The following NEDD4L variants were observed in gnomAD, a reference collection of about 807,000 sequenced individuals.
NEDD4L encodes NEDD4 like E3 ubiquitin protein ligase.
Under a neutral mutation model 148.9 loss-of-function variants are expected in NEDD4L, and 54 were observed. The observed-to-expected ratio is 0.36, with a 90% confidence interval of 0.29 to 0.45. NEDD4L has a LOEUF of 0.45. Ranked by LOEUF, NEDD4L falls within the 20% of genes least tolerant of loss-of-function variation. NEDD4L has a pLI of 1.00. For synonymous variants in NEDD4L, 433 were observed against 440.7 expected (o/e 0.98, Z 0.22); for missense variants, 856 against 1,233.8 (o/e 0.69, Z 4.59).
chr18:58,047,486 C>T, intron 1 of NEDD4L: 3 of 985,416 alleles, frequency 3.0e-6, no homozygotes, highest in Non-Finnish European at 3.6e-6. Context: ...GCGTCATCAG[C>T]AGAGGTCTGT....
chr18:58,099,979 A>G (rs915199554), intron 1 of NEDD4L, among the ~76,000 whole-genome samples: 2 of 152,318 alleles, frequency 1.3e-5, no homozygotes, highest in Admixed American at 6.5e-5. Flanking sequence ...CCCCAAAATG[A>G]AAGTGATCAT....
chr18:58,288,995 G>C (rs13381620), intron 5 of NEDD4L, among the ~76,000 whole-genome samples: 1 of 152,078 alleles, frequency 6.6e-6, no homozygotes, highest in East Asian at 1.9e-4. Context: ...ATCATGTTCA[G>C]TGTTCGACAT....
intron 2 of NEDD4L, among the ~76,000 whole-genome samples, chr18:58,227,359 A>G (rs1408790312): frequency 6.6e-6 from 1 of 152,174 alleles, no homozygotes; most frequent in African/African-American, 2.4e-5. Flanking sequence ...GTCTCCAGGC[A>G]GTCTTCCTGG....
chr18:58,052,933 T>G (rs1598943325), intron 1 of NEDD4L, among the ~76,000 whole-genome samples: 4 of 152,156 alleles, frequency 2.6e-5, no homozygotes, highest in South Asian at 2.1e-4. Flanking sequence ...AACTCTGCAC[T>G]CCACCCTGGG....
At chr18:58,383,383 C>G in intron 25 of NEDD4L, 64 bp downstream of exon 25, 2 of 921,832 alleles carry the variant, frequency 2.2e-6, no homozygotes, top group Non-Finnish European at 3.4e-6. Context: ...GGTCACTGTC[C>G]CTTGCTGAAA....
chr18:58,274,694 G>C (rs758628481), intron 5 of NEDD4L, among the ~76,000 whole-genome samples: 9 of 152,234 alleles, frequency 5.9e-5, no homozygotes, highest in South Asian at 2.1e-4. Flanking sequence ...TTTTGAATCT[G>C]ATTTAATAGG....
intron 16 of NEDD4L, among the ~76,000 whole-genome samples, chr18:58,347,203 C>T (rs1379881644): frequency 3.4e-5 from 1 of 29,646 alleles, no homozygotes; most frequent in African/African-American, 1.2e-4. Context: ...TTTCACGCTA[C>T]GGCCCCCCCC....
intron 1 of NEDD4L, among the ~76,000 whole-genome samples, chr18:58,101,654 C>G (rs780950957): frequency 6.6e-6 from 1 of 152,144 alleles, no homozygotes; most frequent in Admixed American, 6.5e-5. Context: ...TACAGAATGA[C>G]ATCATGAAAT....
intron 1 of NEDD4L, among the ~76,000 whole-genome samples, chr18:58,132,099 A>G (rs893753751): frequency 6.6e-6 from 1 of 152,178 alleles, no homozygotes; most frequent in Admixed American, 6.5e-5. Context: ...TGCCAGCGTT[A>G]ACCCCAGGGG....
chr18:58,251,984 A>C lies in NEDD4L; in HGVS notation c.244-17A>C. Reference sequence around the variant, plus strand: ...GATTCCTGCTCGTTTAAAAAATACTATTTATGTTCCTTATAGGTAAACCCA... The same window carrying C: ...GATTCCTGCTCGTTTAAAAAATACTCTTTATGTTCCTTATAGGTAAACCCA... On this transcript the variant is annotated splice_polypyrimidine_tract_variant and intron_variant, in intron 4 of 30. Transcript: ENST00000400345. 7.0e-7 allele frequency: 1 copy of C among 1,432,912 alleles called. No individual in the cohort carries two copies. The highest frequency in any genetic ancestry group is 1.1e-5 in the South Asian group (1 of 87,064). The allele number at this position is 1,432,912 out of a possible 1,614,324, so 88.8% of individuals were successfully genotyped here. A position where few individuals can be genotyped will look rare whatever the true frequency, so the allele number is the denominator to read the frequency against.
Position 58,398,445 on chromosome 18 carries a change from A to G in NEDD4L, c.*2176A>G, listed in dbSNP as rs1166970760. The G allele has an allele frequency of 2.0e-5, 3 of 152,146 alleles. No individual in the cohort carries two copies. Among genetic ancestry groups the G allele is most frequent in the African/African-American group, 4.8e-5 (2 of 41,432 alleles). 9.4% of individuals were successfully genotyped at this position (152,146 alleles called of 1,614,324 possible). On this transcript the variant is annotated 3_prime_UTR_variant, in exon 31 of 31. Coordinates refer to ENST00000400345, the MANE Select transcript of NEDD4L (RefSeq NM_001144967.3). Reference sequence around the variant, plus strand: ...ATTCTTCTGTCATCTTGTAAACCGTATATTGAAAAAAACAGAATGTCACTA... The same window carrying G: ...ATTCTTCTGTCATCTTGTAAACCGTGTATTGAAAAAAACAGAATGTCACTA...
At chr18:58,356,695 C>T (rs2044712361) in intron 18 of NEDD4L, among the ~76,000 whole-genome samples, 1 of 152,080 alleles carries the variant, frequency 6.6e-6, no homozygotes, top group Admixed American at 6.6e-5. Context: ...ATGAGTGACG[C>T]ATGTAATAGA....
chr18:58,240,887 G>A lies in NEDD4L; in HGVS notation c.123-4540G>A, dbSNP rs533231069. 5.9e-5 allele frequency among the ~76,000 whole-genome samples: 9 copies of A among 152,240 alleles called. No individual in the cohort carries two copies. In the East Asian group the frequency reaches 1.7e-3, roughly 29 times the overall value. On this transcript the variant is annotated intron_variant, in intron 2 of 30. Transcript: ENST00000400345. ...TGCAGTGGTGCAATCTTGGCTCACT[G>A]CAACCTCCCCCTCCTGGATTCAAGT... is the stretch of plus-strand genomic sequence containing the variant.
At chr18:58,124,183 C>T (rs7235598) in intron 1 of NEDD4L, among the ~76,000 whole-genome samples, 108,432 of 152,030 alleles carry the variant, frequency 0.71, 38,840 homozygotes, top group Admixed American at 0.77. Context: ...ACAAGCTGTC[C>T]CTTCTGAGAG....
At chr18:58,383,827 G>C (rs916283747) in intron 25 of NEDD4L, among the ~76,000 whole-genome samples, 2 of 152,236 alleles carry the variant, frequency 1.3e-5, no homozygotes, top group Non-Finnish European at 2.9e-5. Context: ...TTCAGCCTCA[G>C]TGGAACAAAA....
At chr18:58,180,448 C>G (rs904369651) in intron 2 of NEDD4L, among the ~76,000 whole-genome samples, 3 of 152,234 alleles carry the variant, frequency 2.0e-5, no homozygotes, top group East Asian at 1.9e-4. Flanking sequence ...ACATCCTGCT[C>G]TAGTCCCACA....
chr18:58,066,387 G>GTTTTTTTTTTTTT (rs368243667), intron 1 of NEDD4L, among the ~76,000 whole-genome samples: 6 of 112,102 alleles, frequency 5.4e-5, no homozygotes, highest in African/African-American at 1.5e-4. Context: ...CTCTGTATTA[G>GTTTTTTTTTTTTT]TTTTTTTTTT....
chr18:58,387,180 A>C (rs2049147939), intron 26 of NEDD4L, among the ~76,000 whole-genome samples: 1 of 152,212 alleles, frequency 6.6e-6, no homozygotes, highest in South Asian at 2.1e-4. Context: ...CACCCTGCCT[A>C]CAGTATCCCA....
intron 5 of NEDD4L, among the ~76,000 whole-genome samples, chr18:58,304,213 C>G (rs1307896273): frequency 6.6e-6 from 1 of 152,014 alleles, no homozygotes; most frequent in Non-Finnish European, 1.5e-5. Context: ...CTTTGAGATA[C>G]CCTAGTCAGA....
Sources: gnomAD v4.1 joint callset for allele counts (sites outside exome capture counted in the v4.1 genomes callset) on GRCh38, gnomAD v4.1.1 for gene constraint, MANE v1.5 for transcripts, NCBI Gene and HGNC (gene_info 2026-07-23, HGNC 2026-07-21) for gene names.